CACNB2: variants seen among roughly 807,000 people sequenced by gnomAD.
The protein encoded by CACNB2 is voltage-dependent L-type calcium channel subunit beta-2.
CACNB2 carries 42 observed loss-of-function variants against 73.3 expected under a neutral mutation model. That is an observed-to-expected ratio of 0.57 (90% CI 0.45 to 0.74). The LOEUF is 0.74. CACNB2 is among the 30% of genes least tolerant of loss of function. The pLI is 0.00. For missense variants in CACNB2, 940 were observed against 853.0 expected, an observed-to-expected ratio of 1.10 and a Z score of -1.27; for synonymous variants, 348 against 310.3, an observed-to-expected ratio of 1.12 and a Z score of -1.28.
At chr10:18,167,507 G>A (rs999324527) in intron 2 of CACNB2, among the ~76,000 whole-genome samples, 1 of 152,152 alleles carries the variant, frequency 6.6e-6, no homozygotes, top group Non-Finnish European at 1.5e-5. Context: ...TCGGGGAGGA[G>A]GGCCAGTGAG....
intron 3 of CACNB2, among the ~76,000 whole-genome samples, chr10:18,456,290 C>A (rs1290350476): frequency 6.6e-6 from 1 of 152,036 alleles, no homozygotes; most frequent in Non-Finnish European, 1.5e-5. Context: ...GACCAAAACC[C>A]CGCCTCTACT....
At chr10:18,364,707 A>G (rs1483272282) in intron 2 of CACNB2, among the ~76,000 whole-genome samples, 2 of 151,984 alleles carry the variant, frequency 1.3e-5, no homozygotes, top group African/African-American at 4.8e-5. Flanking sequence ...TCTGACGTGC[A>G]TTTGTTGCCA....
At chr10:18,277,406 T>C (rs1037509023) in intron 2 of CACNB2, among the ~76,000 whole-genome samples, 1 of 152,242 alleles carries the variant, frequency 6.6e-6, no homozygotes, top group Non-Finnish European at 1.5e-5. Context: ...AAGTGTATAT[T>C]CTTTAAGTAA....
At chr10:18,186,342 C>A (rs948038219) in intron 2 of CACNB2, among the ~76,000 whole-genome samples, 2 of 151,894 alleles carry the variant, frequency 1.3e-5, no homozygotes, top group African/African-American at 2.4e-5. Context: ...TTGCTTGAAC[C>A]TGGGAGGCGG....
At chr10:18,217,396 A>C (rs950939918) in intron 2 of CACNB2, among the ~76,000 whole-genome samples, 1 of 152,212 alleles carries the variant, frequency 6.6e-6, no homozygotes, top group African/African-American at 2.4e-5. Context: ...AGGCAGGAGA[A>C]TCACTTGAAT....
At chr10:18,168,518 T>A (rs545645755) in intron 2 of CACNB2, among the ~76,000 whole-genome samples, 5 of 151,898 alleles carry the variant, frequency 3.3e-5, no homozygotes, top group Non-Finnish European at 5.9e-5. Context: ...TGTGTGTGTG[T>A]GAGTGTGTGT....
intron 2 of CACNB2, among the ~76,000 whole-genome samples, chr10:18,243,444 A>G (rs756065716): frequency 6.6e-6 from 1 of 152,128 alleles, no homozygotes; most frequent in Non-Finnish European, 1.5e-5. Flanking sequence ...AAGAGACTCA[A>G]CTCAAGACAA....
chr10:18,466,077 C>T (rs1396172417), intron 3 of CACNB2, among the ~76,000 whole-genome samples: 2 of 152,172 alleles, frequency 1.3e-5, no homozygotes, highest in Non-Finnish European at 2.9e-5. Context: ...CAAACACATA[C>T]AGGCACACCT....
rs151144178 is a variant in CACNB2 at position 18,467,356 on chromosome 10, G to A, written c.334-30999G>A. Among the ~76,000 whole-genome samples, 10 of 152,324 alleles carry A rather than the reference G, an allele frequency of 6.6e-5. No individual in the cohort carries two copies. The South Asian group carries it at 2.1e-3, about 32-fold the overall frequency. ...ATTGGCAATTTCACACTTGAAGACTGTCTGTGTTCCCAGAGAGTGTTAAGT... is the reference window on the plus strand; with the variant it reads ...ATTGGCAATTTCACACTTGAAGACTATCTGTGTTCCCAGAGAGTGTTAAGT... On this transcript the variant is annotated intron_variant, in intron 3 of 13. Coordinates refer to ENST00000324631, the MANE Select transcript of CACNB2 (RefSeq NM_201596.3).
intron 1 of CACNB2, chr10:18,141,278 C>A: frequency 7.4e-7 from 1 of 1,350,284 alleles, no homozygotes; most frequent in Non-Finnish European, 1.0e-6. Flanking sequence ...GCCGACTCTC[C>A]TGGCCACGCT....
At chr10:18,253,412 G>A (rs1476824201) in intron 2 of CACNB2, among the ~76,000 whole-genome samples, 1 of 152,044 alleles carries the variant, frequency 6.6e-6, no homozygotes, top group Non-Finnish European at 1.5e-5. Flanking sequence ...AGTATTTTAT[G>A]GCAACTTCAG....
intron 12 of CACNB2, 74 bp downstream of exon 12, chr10:18,536,270 TTTTG>T: frequency 2.7e-6 from 1 of 371,598 alleles, no homozygotes; most frequent in Admixed American, 4.5e-5. Context: ...TTTTTTTTTT[TTTTG>T]GGGGACAAGG....
intron 10 of CACNB2, among the ~76,000 whole-genome samples, chr10:18,530,407 G>T (rs550010027): frequency 6.6e-6 from 1 of 151,734 alleles, no homozygotes; most frequent in Admixed American, 6.6e-5. Flanking sequence ...GAGATGGCTG[G>T]TCAGTGGTTG....
chr10:18,369,498 A>G (rs2042487940), intron 2 of CACNB2, among the ~76,000 whole-genome samples: 1 of 152,218 alleles, frequency 6.6e-6, no homozygotes, highest in Non-Finnish European at 1.5e-5. Context: ...AAGAAGAAAC[A>G]TGCATCAATA....
chr10:18,372,197 C>G (rs1268704644), intron 2 of CACNB2, among the ~76,000 whole-genome samples: 3 of 152,152 alleles, frequency 2.0e-5, no homozygotes, highest in East Asian at 3.8e-4. Flanking sequence ...TGCAGAAGGT[C>G]TTTAGTTGAA....
At chr10:18,180,178 G>A (rs2033801521) in intron 2 of CACNB2, among the ~76,000 whole-genome samples, 1 of 152,082 alleles carries the variant, frequency 6.6e-6, no homozygotes, top group Non-Finnish European at 1.5e-5. Context: ...TGGAGGGAGA[G>A]GAATGATCTT....
chr10:18,320,922 A>C (rs1000608466), intron 2 of CACNB2, among the ~76,000 whole-genome samples: 6 of 152,222 alleles, frequency 3.9e-5, no homozygotes, highest in African/African-American at 1.4e-4. Context: ...AAAAAGAAAT[A>C]ATTGTCTTAC....
chr10:18,376,084 C>T (rs1472867182), intron 2 of CACNB2, among the ~76,000 whole-genome samples: 2 of 152,120 alleles, frequency 1.3e-5, no homozygotes, highest in African/African-American at 4.8e-5. Flanking sequence ...CAGGATTTGG[C>T]AGCATCTTAA....
chr10:18,444,151 G>T (rs763989058), intron 3 of CACNB2, among the ~76,000 whole-genome samples: 22 of 152,158 alleles, frequency 1.4e-4, no homozygotes, highest in Non-Finnish European at 2.5e-4. Flanking sequence ...CAAAGGTGAT[G>T]GTTTTAGGAG....
Sources: allele counts gnomAD v4.1 joint callset (sites outside exome capture counted in the v4.1 genomes callset), GRCh38; gene constraint gnomAD v4.1.1; transcripts MANE v1.5; gene names NCBI Gene and HGNC (gene_info 2026-07-23, HGNC 2026-07-21).